Variants in MCTP1 observed in about 807,000 individuals in gnomAD.
MCTP1 encodes the protein multiple C2 and transmembrane domain containing 1.
Under a neutral mutation model 120.6 loss-of-function variants are expected in MCTP1, and 69 were observed. The ratio of observed to expected loss-of-function variants is 0.57; its 90% CI spans 0.47 to 0.70. The LOEUF (loss-of-function observed/expected upper bound fraction) is 0.70. MCTP1 is among the 30% of genes least tolerant of loss of function. The pLI is 0.00. For synonymous variants in MCTP1, 529 were observed against 493.1 expected, an observed-to-expected ratio of 1.07 and a Z score of -0.96; for missense variants, 1,203 against 1,248.8, an observed-to-expected ratio of 0.96 and a Z score of 0.55.
intron 11 of MCTP1, among the ~76,000 whole-genome samples, chr5:94,889,790 A>G (rs1057445647): frequency 2.8e-5 from 4 of 144,580 alleles, no homozygotes; most frequent in African/African-American, 1.0e-4. Flanking sequence ...ACACCCCTCT[A>G]TGTGGATAAT....
At chr5:95,065,146 TATTA>T (rs57738446) in intron 1 of MCTP1, among the ~76,000 whole-genome samples, 2,172 of 152,112 alleles carry the variant, frequency 0.014, 58 homozygotes, top group African/African-American at 0.046. Flanking sequence ...CTAAAATTAT[TATTA>T]ATTAATTAAT....
intron 8 of MCTP1, among the ~76,000 whole-genome samples, chr5:94,916,766 A>G (rs1265726141): frequency 6.6e-6 from 1 of 152,156 alleles, no homozygotes; most frequent in Non-Finnish European, 1.5e-5. Flanking sequence ...TAGAAACTCA[A>G]ATCCTCTGAC....
chr5:95,054,595 C>T (rs901104062), intron 1 of MCTP1, among the ~76,000 whole-genome samples: 4 of 152,116 alleles, frequency 2.6e-5, no homozygotes, highest in African/African-American at 9.7e-5. Context: ...TTTGATGTTC[C>T]ATGCTTTACA....
chr5:94,767,902 A>T (rs1773160200), intron 19 of MCTP1, among the ~76,000 whole-genome samples: 1 of 152,218 alleles, frequency 6.6e-6, no homozygotes, highest in Non-Finnish European at 1.5e-5. Flanking sequence ...TAGAAAAAAC[A>T]ATGCTAAAAT....
At chr5:94,899,640 G>C (rs27000) in intron 10 of MCTP1, among the ~76,000 whole-genome samples, 44,183 of 152,100 alleles carry the variant, frequency 0.29, 6,994 homozygotes, top group African/African-American at 0.4. Flanking sequence ...GGTGAACTGT[G>C]ATCAATGTAA....
intron 1 of MCTP1, among the ~76,000 whole-genome samples, chr5:95,168,675 G>A (rs992750868): frequency 6.6e-6 from 1 of 152,192 alleles, no homozygotes; most frequent in Non-Finnish European, 1.5e-5. Context: ...GTGAATGGGA[G>A]TTCACTAGTG....
chr5:95,087,469 GTC>G, intron 1 of MCTP1, among the ~76,000 whole-genome samples: 1 of 152,204 alleles, frequency 6.6e-6, no homozygotes, highest in Non-Finnish European at 1.5e-5. Context: ...AAAGGAGACA[GTC>G]TCTGCTCAGC....
chr5:95,033,811 C>T (rs910814388), intron 1 of MCTP1, among the ~76,000 whole-genome samples: 4 of 152,014 alleles, frequency 2.6e-5, no homozygotes, highest in Admixed American at 2.6e-4. Flanking sequence ...GATCCAATAG[C>T]TAGAAAGCCC....
intron 1 of MCTP1, among the ~76,000 whole-genome samples, chr5:95,152,900 A>G (rs555978631): frequency 1.3e-5 from 2 of 152,274 alleles, no homozygotes; most frequent in East Asian, 3.9e-4. Context: ...GACAGAATGT[A>G]TACTTCCCTA....
chr5:94,798,136 A>T (rs905895659), intron 18 of MCTP1, among the ~76,000 whole-genome samples: 2 of 152,016 alleles, frequency 1.3e-5, no homozygotes, highest in African/African-American at 4.8e-5. Context: ...TGCTGAGGAC[A>T]AGTAGATTCT....
intron 1 of MCTP1, among the ~76,000 whole-genome samples, chr5:95,153,329 G>A (rs112832151): frequency 0.015 from 2,223 of 152,264 alleles, 57 homozygotes; most frequent in African/African-American, 0.051. Context: ...CAGCTATGTG[G>A]AACTGTGAAC....
At chr5:94,860,053 T>C (rs543663242) in intron 17 of MCTP1, among the ~76,000 whole-genome samples, 1 of 151,638 alleles carries the variant, frequency 6.6e-6, no homozygotes, top group African/African-American at 2.4e-5. Context: ...CATAATATAT[T>C]TACATATTAT....
chr5:94,796,632 T>TATATATAATATATATA (rs1780112413), intron 18 of MCTP1, among the ~76,000 whole-genome samples: 1 of 75,040 alleles, frequency 1.3e-5, no homozygotes, highest in Non-Finnish European at 3.1e-5. Context: ...TAATATATAT[T>TATATATAATATATATA]ATATATGTAA....
At chr5:94,716,405 AAAAGTT>A (rs1231040212) in intron 19 of MCTP1, among the ~76,000 whole-genome samples, 5 of 152,130 alleles carry the variant, frequency 3.3e-5, no homozygotes, top group African/African-American at 1.2e-4. Context: ...AAAAAAAAAA[AAAAGTT>A]AGTTTCACCT....
chr5:94,851,943 T>G (rs1334204043), intron 17 of MCTP1, among the ~76,000 whole-genome samples: 1 of 151,902 alleles, frequency 6.6e-6, no homozygotes, highest in African/African-American at 2.4e-5. Flanking sequence ...GTTTTATATA[T>G]GGTGTTTAAT....
Position 95,220,319 on chromosome 5 carries a change from C to T in MCTP1, c.720+63537G>A, listed in dbSNP as rs180957526. Among the ~76,000 whole-genome samples, 394 of 150,762 alleles carry T rather than the reference C, an allele frequency of 2.6e-3. 4 individuals carry two copies. Among genetic ancestry groups the T allele is most frequent in the African/African-American group, 8.8e-3 (363 of 41,254 alleles). On this transcript the variant is annotated intron_variant, in intron 1 of 22. Transcript: ENST00000515393. ...TGTACATTAAGTCATCAACCTGGAT[C>T]CTCATTTTCTTCTTCCTTTTTTTTT... is the stretch of plus-strand genomic sequence containing the variant.
chr5:94,954,189 T>TATAC (rs1181265002), intron 2 of MCTP1, among the ~76,000 whole-genome samples: 1 of 132,474 alleles, frequency 7.5e-6, no homozygotes, highest in Non-Finnish European at 1.6e-5. Flanking sequence ...TATGCATATA[T>TATAC]ATATATATAT....
At chr5:94,986,022 A>G (rs979454907) in intron 2 of MCTP1, among the ~76,000 whole-genome samples, 1 of 152,192 alleles carries the variant, frequency 6.6e-6, no homozygotes, top group Non-Finnish European at 1.5e-5. Context: ...TGACATATGG[A>G]CATAGATGTA....
chr5:94,718,728 A>T (rs148773309), intron 19 of MCTP1, among the ~76,000 whole-genome samples: 265 of 151,952 alleles, frequency 1.7e-3, no homozygotes, highest in African/African-American at 5.8e-3. Flanking sequence ...CATTATTATT[A>T]TTTTTTTTGA....
Sources: gnomAD v4.1 joint callset for allele counts (sites outside exome capture counted in the v4.1 genomes callset) on GRCh38, gnomAD v4.1.1 for gene constraint, MANE v1.5 for transcripts, NCBI Gene and HGNC (gene_info 2026-07-23, HGNC 2026-07-21) for gene names.